Variants in LNX2 observed in about 807,000 individuals in gnomAD.
LNX2 encodes the protein ligand of numb-protein X 2.
In LNX2, 35 loss-of-function variants were observed where a neutral mutation model predicts 66.2. That is an observed-to-expected ratio of 0.53 (90% CI 0.40 to 0.70). The LOEUF is 0.70. Ranked by LOEUF, LNX2 falls within the 30% of genes least tolerant of loss-of-function variation. LNX2 has a pLI of 0.00. For missense variants in LNX2, 791 were observed against 850.8 expected (o/e 0.93, Z 0.87); for synonymous variants, 337 against 315.6 (o/e 1.07, Z -0.72).
At chr13:27,557,885 C>T (rs1237197606) in intron 6 of LNX2, among the ~76,000 whole-genome samples, 2 of 152,034 alleles carry the variant, frequency 1.3e-5, no homozygotes, top group African/African-American at 2.4e-5. Context: ...TAGACAAACA[C>T]AACTTTATTC....
Position 27,562,576 on chromosome 13 carries a change from T to A in LNX2, c.1061A>T (p.Lys354Ile). The A allele has an allele frequency of 6.2e-7, 1 of 1,614,150 alleles. No individual in the cohort carries two copies. The highest frequency in any genetic ancestry group is 8.5e-7 in the Non-Finnish European group (1 of 1,180,014). Residue 354 changes from lysine (K) to isoleucine (I), a missense_variant, in exon 5 of 10, where the codon AAA (lysine) becomes ATA (isoleucine). Lys to Ile is a moderately radical substitution (Grantham distance 102, BLOSUM62 -3). Coordinates refer to ENST00000316334, the MANE Select transcript of LNX2 (RefSeq NM_153371.4). Reference protein sequence around the residue: ...KRDSGEQLGIKLVRRTDEPGV... With the variant: ...KRDSGEQLGIILVRRTDEPGV... ...TGGCTCATCTGTCCTTCGCACCAAT[T>A]TAATGCCAAGCTGTTCACCAGAGTC... is the stretch of plus-strand genomic sequence containing the variant.
rs1302964079 is a variant in LNX2 at position 27,583,463 on chromosome 13, G to A, written c.-100-1660C>T. Among the ~76,000 whole-genome samples, 7 of 151,990 alleles carry A rather than the reference G, an allele frequency of 4.6e-5. No individual in the cohort carries two copies. In the East Asian group the frequency reaches 1.2e-3, roughly 25 times the overall value. ...AGTAGACACGGGGTTTCACCATATT[G>A]GCCAGGCGGGTCTCAAACTGCTCAC... On this transcript the variant is annotated intron_variant, in intron 1 of 9. Transcript: ENST00000316334.
chr13:27,592,449 A>C (rs943824960), intron 1 of LNX2, among the ~76,000 whole-genome samples: 3 of 152,228 alleles, frequency 2.0e-5, no homozygotes, highest in Non-Finnish European at 4.4e-5. Flanking sequence ...GTAAGAGAGC[A>C]GGTTTAATGG....
At chr13:27,572,054 G>T (rs1211872870) in intron 2 of LNX2, among the ~76,000 whole-genome samples, 12 of 152,124 alleles carry the variant, frequency 7.9e-5, no homozygotes, top group Admixed American at 7.9e-4. Flanking sequence ...TCTAGCTTCT[G>T]TTCTTTCCAG....
chr13:27,556,563 T>C (rs2138325941), intron 6 of LNX2, 150 bp from the exon 7 acceptor site: 1 of 704,120 alleles, frequency 1.4e-6, no homozygotes, highest in Non-Finnish European at 2.3e-6. Context: ...TACACAGTTC[T>C]TAATAAGTCT....
In LNX2 at chr13:27,562,656, A is replaced by ATGGT; in HGVS notation, c.977_980dup (p.His327GlnfsTer4). On this transcript the variant is annotated frameshift_variant, in exon 5 of 10. Coordinates refer to ENST00000316334, the MANE Select transcript of LNX2 (RefSeq NM_153371.4). LOFTEE classifies it high-confidence loss of function. ...CTTCTCGTGGAGAGTTACTATCAGA[A>ATGGT]TGGTTGTGTGCTCGGTTGCCAAAGC... 6.2e-7 allele frequency: 1 copy of ATGGT among 1,614,178 alleles called. No homozygotes were observed. Among genetic ancestry groups the ATGGT allele is most frequent in the Non-Finnish European group, 8.5e-7 (1 of 1,180,022 alleles).
chr13:27,595,214 C>A (rs1955583511), intron 1 of LNX2, among the ~76,000 whole-genome samples: 3 of 152,150 alleles, frequency 2.0e-5, no homozygotes, highest in Admixed American at 2.0e-4. Flanking sequence ...ATTTAGTGGT[C>A]AGCTCAAGTA....
chr13:27,610,214 C>T (rs1482594830), intron 1 of LNX2, among the ~76,000 whole-genome samples: 1 of 152,164 alleles, frequency 6.6e-6, no homozygotes, highest in Non-Finnish European at 1.5e-5. Flanking sequence ...CTGGCCTCTC[C>T]CTACCAATTT....
At chr13:27,586,945 T>C (rs1955493633) in intron 1 of LNX2, among the ~76,000 whole-genome samples, 1 of 152,174 alleles carries the variant, frequency 6.6e-6, no homozygotes, top group Non-Finnish European at 1.5e-5. Flanking sequence ...ATCTTCCTGG[T>C]TTAAGGGATA....
At chr13:27,552,630 G>A (rs947607367) in intron 8 of LNX2, among the ~76,000 whole-genome samples, 5 of 152,160 alleles carry the variant, frequency 3.3e-5, no homozygotes, top group African/African-American at 1.2e-4. Context: ...TGCCACTGGA[G>A]GTTCCATGTG....
At chr13:27,603,358 G>A (rs893021039) in intron 1 of LNX2, among the ~76,000 whole-genome samples, 16 of 152,170 alleles carry the variant, frequency 1.1e-4, no homozygotes, top group Non-Finnish European at 1.6e-4. Context: ...GGGGGACCAA[G>A]AATGGCATCT....
chr13:27,601,473 A>C (rs996822127), intron 1 of LNX2, among the ~76,000 whole-genome samples: 1 of 152,238 alleles, frequency 6.6e-6, no homozygotes, highest in Non-Finnish European at 1.5e-5. Context: ...AACTGCATTA[A>C]TAAACTAGAA....
At chr13:27,611,587 T>C (rs1566134620) in intron 1 of LNX2, among the ~76,000 whole-genome samples, 1 of 152,248 alleles carries the variant, frequency 6.6e-6, no homozygotes, top group Non-Finnish European at 1.5e-5. Context: ...TTTTATGTGG[T>C]TGCCACAATA....
intron 1 of LNX2, among the ~76,000 whole-genome samples, chr13:27,613,484 G>T (rs1387053478): frequency 2.6e-5 from 4 of 152,144 alleles, no homozygotes; most frequent in Non-Finnish European, 5.9e-5. Flanking sequence ...AGACACAGTG[G>T]AAGCAGGCCG....
At chr13:27,606,958 G>A (rs1388266160) in intron 1 of LNX2, among the ~76,000 whole-genome samples, 1 of 152,158 alleles carries the variant, frequency 6.6e-6, no homozygotes, top group Non-Finnish European at 1.5e-5. Flanking sequence ...GAAGTTGCAT[G>A]CCCAAGACAA....
At chr13:27,616,707 C>G (rs1035036302) in intron 1 of LNX2, among the ~76,000 whole-genome samples, 8 of 152,230 alleles carry the variant, frequency 5.3e-5, no homozygotes, top group African/African-American at 1.9e-4. Flanking sequence ...AGCATACTAA[C>G]TAGAGGACAA....
At chr13:27,593,026 G>A (rs1044610554) in intron 1 of LNX2, among the ~76,000 whole-genome samples, 2 of 152,110 alleles carry the variant, frequency 1.3e-5, no homozygotes, top group South Asian at 4.1e-4. Context: ...AAATGAAAAG[G>A]GGAAATTTGT....
rs142811422 is a variant in LNX2, at chr13:27,604,941, A to C, written c.-101+15434T>G. ...ACAGACCTTTTCTGAAGAAAACGAC[A>C]TACAAAATGAATACACAGAACCATG... On this transcript the variant is annotated intron_variant, in intron 1 of 9. Transcript: ENST00000316334. Among the ~76,000 whole-genome samples, 229 of 151,876 alleles carry C rather than the reference A, an allele frequency of 1.5e-3. 2 individuals carry two copies. Among genetic ancestry groups the C allele is most frequent in the Middle Eastern group, 6.8e-3 (2 of 294 alleles).
intron 1 of LNX2, among the ~76,000 whole-genome samples, chr13:27,619,086 G>T (rs1181173543): frequency 6.6e-6 from 1 of 152,188 alleles, no homozygotes; most frequent in Non-Finnish European, 1.5e-5. Context: ...AAATTTCAAA[G>T]TTGATGAGAG....
Sources: gnomAD v4.1 joint callset for allele counts (sites outside exome capture counted in the v4.1 genomes callset) on GRCh38, gnomAD v4.1.1 for gene constraint, MANE v1.5 for transcripts, NCBI Gene and HGNC (gene_info 2026-07-23, HGNC 2026-07-21) for gene names.